KIAA1217: variants seen among roughly 807,000 people sequenced by gnomAD.
KIAA1217 encodes the protein KIAA1217.
KIAA1217 carries 88 observed loss-of-function variants against 163.9 expected under a neutral mutation model. The ratio of observed to expected loss-of-function variants is 0.54; its 90% confidence interval spans 0.45 to 0.64. The LOEUF (loss-of-function observed/expected upper bound fraction) is 0.64, where lower values mean the gene tolerates loss of function less well. Among genes scored for constraint, KIAA1217 ranks in the 30% least tolerant of loss-of-function variants. The pLI, the probability that KIAA1217 is intolerant of heterozygous loss-of-function variation, is 0.00. For synonymous variants in KIAA1217, 903 were observed against 923.1 expected (o/e 0.98, Z 0.39); for missense variants, 2,372 against 2,475.0 (o/e 0.96, Z 0.88).
intron 2 of KIAA1217, among the ~76,000 whole-genome samples, chr10:24,235,482 C>T (rs1210194432): frequency 2.6e-5 from 4 of 152,168 alleles, no homozygotes; most frequent in African/African-American, 4.8e-5. Context: ...TCTTGACTTA[C>T]GAAATGTATA....
intron 1 of KIAA1217, among the ~76,000 whole-genome samples, chr10:23,952,041 G>A (rs569944452): frequency 4.6e-5 from 7 of 152,290 alleles, no homozygotes; most frequent in East Asian, 3.9e-4. Flanking sequence ...CCGCCTTCCC[G>A]AAAGGCTGAT....
At chr10:23,934,147 T>G (rs1843374245) in intron 1 of KIAA1217, among the ~76,000 whole-genome samples, 1 of 152,080 alleles carries the variant, frequency 6.6e-6, no homozygotes, top group Non-Finnish European at 1.5e-5. Context: ...CAAACGCCTA[T>G]CAGTGATAGA....
chr10:24,467,125 G>A (rs201551404), intron 5 of KIAA1217, among the ~76,000 whole-genome samples: 5 of 151,774 alleles, frequency 3.3e-5, no homozygotes, highest in South Asian at 4.2e-4. Context: ...AGTGATATTC[G>A]ATTTGACTTA....
At chr10:24,245,777 A>G (rs1445157325) in intron 2 of KIAA1217, among the ~76,000 whole-genome samples, 1 of 149,828 alleles carries the variant, frequency 6.7e-6, no homozygotes, top group African/African-American at 2.5e-5. Flanking sequence ...GACTGCAGGC[A>G]TGTACCATCA....
chr10:23,783,658 G>T (rs1835359594), intron 1 of KIAA1217, among the ~76,000 whole-genome samples: 2 of 151,998 alleles, frequency 1.3e-5, no homozygotes, highest in South Asian at 2.1e-4. Context: ...TTGAGTGTTT[G>T]GTAGAATTCA....
At chr10:24,209,926 C>A (rs780003134) in intron 1 of KIAA1217, among the ~76,000 whole-genome samples, 1 of 152,150 alleles carries the variant, frequency 6.6e-6, no homozygotes, top group Non-Finnish European at 1.5e-5. Flanking sequence ...TAGGGAATTT[C>A]CAGAAGCTTA....
intron 1 of KIAA1217, among the ~76,000 whole-genome samples, chr10:23,898,053 T>C (rs1193841052): frequency 6.6e-6 from 1 of 152,024 alleles, no homozygotes; most frequent in East Asian, 1.9e-4. Flanking sequence ...GTGATATGGC[T>C]GTTTTCCCTG....
At chr10:24,163,607 T>C (rs958569852) in intron 2 of KIAA1217, among the ~76,000 whole-genome samples, 1 of 152,236 alleles carries the variant, frequency 6.6e-6, no homozygotes, top group Non-Finnish European at 1.5e-5. Context: ...TAAGTACGCC[T>C]CACAATAACA....
intron 2 of KIAA1217, among the ~76,000 whole-genome samples, chr10:24,084,075 T>C (rs1419365950): frequency 6.6e-6 from 1 of 152,194 alleles, no homozygotes; most frequent in Non-Finnish European, 1.5e-5. Context: ...TATCTGCATA[T>C]TTCACTCCCC....
chr10:23,904,124 C>T (rs1842057585), intron 1 of KIAA1217, among the ~76,000 whole-genome samples: 1 of 152,018 alleles, frequency 6.6e-6, no homozygotes, highest in South Asian at 2.1e-4. Context: ...GATGATGAAC[C>T]ATTATTATGT....
At chr10:24,304,271 T>C (rs1042604693) in intron 2 of KIAA1217, among the ~76,000 whole-genome samples, 7 of 151,958 alleles carry the variant, frequency 4.6e-5, no homozygotes, top group African/African-American at 1.7e-4. Flanking sequence ...CTTCATTCTG[T>C]TGAACCAACT....
chr10:24,346,568 C>CTTTTTTTTTTTT (rs1177259021), intron 2 of KIAA1217, among the ~76,000 whole-genome samples: 1 of 121,022 alleles, frequency 8.3e-6, no homozygotes, highest in Non-Finnish European at 1.7e-5. Flanking sequence ...TTTGTTGGCC[C>CTTTTTTTTTTTT]TTTTTTTTTT....
At chr10:23,976,018 A>C (rs906322372) in intron 1 of KIAA1217, among the ~76,000 whole-genome samples, 1 of 152,108 alleles carries the variant, frequency 6.6e-6, no homozygotes, top group African/African-American at 2.4e-5. Flanking sequence ...TCAACCTATC[A>C]TCCACAGATC....
chr10:23,832,519 G>A (rs1367197955), intron 1 of KIAA1217, among the ~76,000 whole-genome samples: 1 of 152,150 alleles, frequency 6.6e-6, no homozygotes, highest in African/African-American at 2.4e-5. Flanking sequence ...CTGAAGCGCA[G>A]GAGTAGGGCT....
chr10:23,814,568 A>C (rs1039993592), intron 1 of KIAA1217, among the ~76,000 whole-genome samples: 2 of 152,214 alleles, frequency 1.3e-5, no homozygotes, highest in African/African-American at 4.8e-5. Flanking sequence ...TGAACAAGTT[A>C]TGGGAAAACT....
intron 2 of KIAA1217, among the ~76,000 whole-genome samples, chr10:24,250,805 T>C (rs1162382754): frequency 6.8e-6 from 1 of 147,622 alleles, no homozygotes; most frequent in Non-Finnish European, 1.5e-5. Context: ...TAAGAATAGA[T>C]TGGGCCGGGT....
rs867435971 is a variant in KIAA1217 at position 23,964,861 on chromosome 10, T to C, written c.-320-42364T>C. Among the ~76,000 whole-genome samples the C allele has an allele frequency of 1.1e-4, 16 of 152,190 alleles. No individual in the cohort carries two copies. In the South Asian group the frequency reaches 2.5e-3, roughly 24 times the overall value. ...TGAGCCACCATGCCTGGCCAACAGT[T>C]GAATTCTTAATCCAGTGCCTTAGAC... On this transcript the variant is annotated intron_variant, in intron 1 of 18. Transcript: ENST00000376462.
At chr10:24,261,945 C>G (rs1047484039) in intron 2 of KIAA1217, among the ~76,000 whole-genome samples, 1 of 152,122 alleles carries the variant, frequency 6.6e-6, no homozygotes, top group South Asian at 2.1e-4. Context: ...TACAAGGACT[C>G]GATTTCACAG....
chr10:24,056,445 G>C (rs1034377186), intron 2 of KIAA1217, among the ~76,000 whole-genome samples: 1 of 151,998 alleles, frequency 6.6e-6, no homozygotes, highest in African/African-American at 2.4e-5. Flanking sequence ...CTCGAGTCTG[G>C]GTGGAGAAGA....
Sources: gnomAD v4.1 joint callset for allele counts (sites outside exome capture counted in the v4.1 genomes callset) on GRCh38, gnomAD v4.1.1 for gene constraint, MANE v1.5 for transcripts, NCBI Gene and HGNC (gene_info 2026-07-23, HGNC 2026-07-21) for gene names.